GDA: variants seen among roughly 807,000 people sequenced by gnomAD.
GDA encodes guanine deaminase.
GDA carries 18 observed loss-of-function variants against 59.6 expected under a neutral mutation model. That is an observed-to-expected ratio of 0.30 (90% confidence interval 0.21 to 0.45). The LOEUF (loss-of-function observed/expected upper bound fraction) is 0.45. GDA is among the 20% of genes least tolerant of loss of function. The pLI, the probability that GDA is intolerant of heterozygous loss-of-function variation, is 1.00. For missense variants in GDA, 427 were observed against 552.3 expected, an observed-to-expected ratio of 0.77 and a Z score of 2.27; for synonymous variants, 201 against 201.1, an observed-to-expected ratio of 1.00 and a Z score of 0.00.
Position 72,210,728 on chromosome 9 carries a change from T to C in GDA, c.426T>C (p.Phe142=), listed in dbSNP as rs1265183893. ...ATGGAACAACCACAGCTTGTTACTT[T>C]GCAACAATTCACACTGACTCATCTC... ...LKNGTTTACY[F]ATIHTDSSLL... is the part of the protein sequence containing the mutation. The change falls in exon 4 of 14, where the codon TTT becomes TTC. Residue 142 remains phenylalanine, a synonymous_variant. Transcript: ENST00000358399. The C allele has an allele frequency of 1.9e-6, 3 of 1,612,132 alleles. No homozygotes were observed. The highest frequency in any genetic ancestry group is 2.7e-5 in the African/African-American group (2 of 74,892).
upstream of GDA, among the ~76,000 whole-genome samples, chr9:72,144,965 T>C (rs940809837): frequency 6.6e-6 from 1 of 151,818 alleles, no homozygotes; most frequent in Non-Finnish European, 1.5e-5. Flanking sequence ...TGGAAACTGA[T>C]AGATTTAGCT....
Position 72,208,160 on chromosome 9 carries a change from C to A in GDA, c.385-2527C>A, listed in dbSNP as rs1373405904. The stretch of plus-strand genomic sequence containing the variant: ...GGAACACACTGGATCTAATTAGAGG[C>A]TACTGTCTAAGGTACGGCATGTTCA... On this transcript the variant is annotated intron_variant, in intron 3 of 13. Transcript: ENST00000358399. Among the ~76,000 whole-genome samples, 5 of 152,156 alleles carry A rather than the reference C, an allele frequency of 3.3e-5. No individual in the cohort carries two copies. In the East Asian group the frequency reaches 9.6e-4, roughly 29 times the overall value.
At chr9:72,167,500 T>C (rs1431742258) in intron 1 of GDA, among the ~76,000 whole-genome samples, 2 of 152,216 alleles carry the variant, frequency 1.3e-5, no homozygotes, top group Admixed American at 1.3e-4. Context: ...TGAATTGTTA[T>C]CAGTTGAAAT....
chr9:72,239,749 T>A (rs1427275009), intron 10 of GDA, among the ~76,000 whole-genome samples: 4 of 152,130 alleles, frequency 2.6e-5, no homozygotes, highest in African/African-American at 9.7e-5. Context: ...AATGAAGATT[T>A]AAGGGATGGT....
rs746373016 is a variant in GDA at position 72,155,297 on chromosome 9, T to G, written c.123+5615T>G. Among the ~76,000 whole-genome samples, 51 of 152,174 alleles carry G rather than the reference T, an allele frequency of 3.4e-4. 1 individual carries two copies. Among genetic ancestry groups the G allele is most frequent in the Non-Finnish European group, 8.8e-5 (6 of 68,030 alleles). On this transcript the variant is annotated intron_variant, in intron 1 of 13. Coordinates refer to ENST00000358399, the MANE Select transcript of GDA (RefSeq NM_004293.5). ...AACCCATCAGATCTCGTGAGACTTA[T>G]TCACTACCATGAGAACAGTATGGGG...
intron 1 of GDA, among the ~76,000 whole-genome samples, chr9:72,151,776 T>G (rs1263904363): frequency 6.6e-6 from 1 of 151,962 alleles, no homozygotes; most frequent in Non-Finnish European, 1.5e-5. Context: ...ACTGATTTTT[T>G]TGTATTTTAA....
intron 1 of GDA, among the ~76,000 whole-genome samples, chr9:72,175,632 G>T (rs1830457585): frequency 6.6e-6 from 1 of 152,160 alleles, no homozygotes; most frequent in Non-Finnish European, 1.5e-5. Context: ...GGACTTCTAT[G>T]GTGCTAAGGA....
intron 1 of GDA, among the ~76,000 whole-genome samples, chr9:72,168,757 C>G (rs1037879910): frequency 2.0e-5 from 3 of 152,146 alleles, no homozygotes; most frequent in African/African-American, 7.2e-5. Context: ...CTCATTTAAT[C>G]ATTGCAACAA....
intron 3 of GDA, among the ~76,000 whole-genome samples, chr9:72,206,641 C>T (rs1416443093): frequency 2.0e-5 from 3 of 151,920 alleles, no homozygotes. Flanking sequence ...GGCATGGTGG[C>T]GGGTGCCTGT....
intron 1 of GDA, among the ~76,000 whole-genome samples, chr9:72,171,957 T>C (rs1830020671): frequency 6.6e-6 from 1 of 152,136 alleles, no homozygotes; most frequent in Non-Finnish European, 1.5e-5. Flanking sequence ...TGAGGTGCAA[T>C]GCGATTAAGT....
intron 7 of GDA, 130 bp from the exon 8 acceptor site, chr9:72,225,547 C>G (rs2131601112): frequency 1.7e-6 from 1 of 605,618 alleles, no homozygotes; most frequent in East Asian, 2.7e-5. Flanking sequence ...CATGTGTAAT[C>G]TTCATTGCCT....
At position 72,248,770 on chromosome 9, in the gene GDA, G is replaced by C; in HGVS notation, c.*428G>C. The stretch of plus-strand genomic sequence containing the variant: ...CCCATGAGAGTATATTTTTATGAGG[G>C]AGCAAAAGTTAGACTGAGAACAAAC... On this transcript the variant is annotated 3_prime_UTR_variant, in exon 14 of 14. Coordinates refer to ENST00000358399, the MANE Select transcript of GDA (RefSeq NM_004293.5). 1 of 992,942 alleles carries C rather than the reference G, an allele frequency of 1.0e-6. No homozygotes were observed. The highest frequency in any genetic ancestry group is 1.2e-6 in the Non-Finnish European group (1 of 833,706). 61.5% of individuals were successfully genotyped at this position (992,942 alleles called of 1,614,324 possible).
chr9:72,179,979 G>C (rs10869141), intron 1 of GDA, among the ~76,000 whole-genome samples: 11 of 151,916 alleles, frequency 7.2e-5, no homozygotes, highest in African/African-American at 1.4e-4. Context: ...TTACTGGCGG[G>C]GGGGGTTAGG....
chr9:72,134,138 T>G (rs921750186), intron 1 of GDA, among the ~76,000 whole-genome samples: 46 of 152,024 alleles, frequency 3.0e-4, no homozygotes, highest in African/African-American at 1.1e-3. Flanking sequence ...GAACGCCAGT[T>G]TTGGGCTGAA....
chr9:72,228,078 T>C lies in GDA; in HGVS notation c.920+38T>C, dbSNP rs764854501. 3.1e-5 allele frequency: 36 copies of C among 1,171,334 alleles called. No homozygotes were observed. In the South Asian group the frequency reaches 3.7e-4, roughly 12 times the overall value. The allele number at this position is 1,171,334 out of a possible 1,614,324, so 72.6% of individuals were successfully genotyped here. ...TGATTGTTTGGTAGATTACGAATGA[T>C]TGGGTTGCAGATTAGCAGCCAAATG... On this transcript the variant is annotated intron_variant, in intron 9 of 13. Coordinates refer to ENST00000358399, the MANE Select transcript of GDA (RefSeq NM_004293.5).
intron 1 of GDA, among the ~76,000 whole-genome samples, chr9:72,168,784 T>G (rs1829626891): frequency 6.6e-6 from 1 of 152,226 alleles, no homozygotes; most frequent in African/African-American, 2.4e-5. Context: ...AAATTAACTA[T>G]TCTTTATCTC....
intron 1 of GDA, among the ~76,000 whole-genome samples, chr9:72,118,292 A>AAAAAAAG (rs1195909310): frequency 7.3e-5 from 11 of 151,018 alleles, no homozygotes; most frequent in African/African-American, 2.7e-4. Context: ...AAAAAAAAAA[A>AAAAAAAG]AAAAAGAATG....
At chr9:72,169,511 A>G (rs1829712096) in intron 1 of GDA, among the ~76,000 whole-genome samples, 1 of 152,186 alleles carries the variant, frequency 6.6e-6, no homozygotes, top group African/African-American at 2.4e-5. Flanking sequence ...TAGAGCCATG[A>G]TCTAACTTAA....
intron 10 of GDA, among the ~76,000 whole-genome samples, chr9:72,235,312 G>GT (rs1185639525): frequency 1.3e-5 from 2 of 152,118 alleles, no homozygotes; most frequent in African/African-American, 2.4e-5. Flanking sequence ...AGGTCCTTGA[G>GT]TTTTGGTTTT....
Sources: allele counts gnomAD v4.1 joint callset (sites outside exome capture counted in the v4.1 genomes callset), GRCh38; gene constraint gnomAD v4.1.1; transcripts MANE v1.5; gene names NCBI Gene and HGNC (gene_info 2026-07-23, HGNC 2026-07-21).